SEPTIN7: variants seen among roughly 807,000 people sequenced by gnomAD.
The protein encoded by SEPTIN7 is septin 7.
SEPTIN7 carries 10 observed loss-of-function variants against 63.3 expected under a neutral mutation model. That is an observed-to-expected ratio of 0.16 (90% CI 0.10 to 0.27). The LOEUF (loss-of-function observed/expected upper bound fraction) is 0.27, where lower values mean the gene tolerates loss of function less well. SEPTIN7 is among the 10% of genes least tolerant of loss of function. The pLI is 1.00. For missense variants in SEPTIN7, 310 were observed against 521.0 expected (o/e 0.59, Z 3.94); for synonymous variants, 131 against 165.3 (o/e 0.79, Z 1.59).
intron 7 of SEPTIN7, among the ~76,000 whole-genome samples, chr7:35,881,761 T>G (rs1034824533): frequency 2.4e-4 from 37 of 151,900 alleles, no homozygotes; most frequent in African/African-American, 8.2e-4. Flanking sequence ...TAGTTGAAAA[T>G]TATTTGGATG....
At chr7:35,830,613 G>A (rs1410868162) in intron 1 of SEPTIN7, among the ~76,000 whole-genome samples, 1 of 152,136 alleles carries the variant, frequency 6.6e-6, no homozygotes, top group Non-Finnish European at 1.5e-5. Context: ...GGATGATTTT[G>A]TCATGGAATA....
intron 3 of SEPTIN7, among the ~76,000 whole-genome samples, chr7:35,860,941 C>T (rs1785470575): frequency 6.6e-6 from 1 of 152,140 alleles, no homozygotes; most frequent in South Asian, 2.1e-4. Context: ...TCCTCTGAAA[C>T]ATCCATTGAG....
intron 6 of SEPTIN7, 62 bp downstream of exon 6, chr7:35,873,837 G>A (rs961667395): frequency 1.0e-4 from 150 of 1,458,976 alleles, no homozygotes; most frequent in Non-Finnish European, 1.4e-4. Flanking sequence ...ACCTTTATGT[G>A]CATACTTTAG....
intron 3 of SEPTIN7, among the ~76,000 whole-genome samples, chr7:35,860,242 C>T (rs1441918312): frequency 6.6e-6 from 1 of 151,936 alleles, no homozygotes; most frequent in Admixed American, 6.6e-5. Flanking sequence ...AACAACTACA[C>T]GTCCACTGCT....
At chr7:35,880,162 C>T (rs1435012996) in intron 7 of SEPTIN7, among the ~76,000 whole-genome samples, 3 of 150,640 alleles carry the variant, frequency 2.0e-5, no homozygotes, top group Non-Finnish European at 4.4e-5. Flanking sequence ...CAATTTCTCC[C>T]CATACTCTTT....
chr7:35,871,852 G>C (rs1325056610), intron 4 of SEPTIN7, among the ~76,000 whole-genome samples: 2 of 151,970 alleles, frequency 1.3e-5, no homozygotes, highest in African/African-American at 4.8e-5. Context: ...CTTTATCTTG[G>C]GTTCCTGAAA....
intron 6 of SEPTIN7, among the ~76,000 whole-genome samples, chr7:35,879,022 G>A (rs1323284841): frequency 6.6e-6 from 1 of 152,176 alleles, no homozygotes; most frequent in Non-Finnish European, 1.5e-5. Context: ...CTTCTTAAGG[G>A]ACTAGCTTAC....
chr7:35,841,930 G>A (rs536424503), intron 3 of SEPTIN7, among the ~76,000 whole-genome samples: 12 of 152,210 alleles, frequency 7.9e-5, no homozygotes, highest in African/African-American at 2.6e-4. Flanking sequence ...TGGGTCCATC[G>A]TTTTCTTAGG....
intron 1 of SEPTIN7, among the ~76,000 whole-genome samples, chr7:35,804,253 G>C (rs1788185771): frequency 1.3e-5 from 2 of 152,180 alleles, no homozygotes; most frequent in South Asian, 4.1e-4. Flanking sequence ...AACCAGGGTG[G>C]CTTCCAAAAG....
At position 35,827,987 on chromosome 7, in the gene SEPTIN7, A is replaced by G. The variant is rs140818408; in HGVS notation, c.62-3505A>G. The stretch of plus-strand genomic sequence containing the variant: ...AGTCATTCAGATTTTTAAAATATCT[A>G]CTGTGTGTCAGCACTTTGCTAAGAA... On this transcript the variant is annotated intron_variant, in intron 1 of 13. Transcript: ENST00000350320. Among the ~76,000 whole-genome samples, 1,009 of 152,310 alleles carry G rather than the reference A, an allele frequency of 6.6e-3. 14 individuals carry two copies. Among genetic ancestry groups the G allele is most frequent in the African/African-American group, 0.023 (967 of 41,556 alleles).
intron 11 of SEPTIN7, among the ~76,000 whole-genome samples, chr7:35,892,697 TTAAG>T (rs1418339035): frequency 1.3e-5 from 2 of 152,140 alleles, no homozygotes; most frequent in African/African-American, 4.8e-5. Context: ...TACAGTATCA[TTAAG>T]TTTCTTTCTG....
intron 13 of SEPTIN7, 109 bp downstream of exon 13, chr7:35,903,324 A>G (rs971119437): frequency 2.8e-6 from 4 of 1,406,448 alleles, no homozygotes; most frequent in African/African-American, 1.5e-5. Flanking sequence ...ATCACCCATT[A>G]TCATGCATTC....
intron 10 of SEPTIN7, chr7:35,888,969 A>G (rs1392170496): frequency 3.9e-6 from 1 of 253,974 alleles, no homozygotes; most frequent in Non-Finnish European, 8.3e-6. Context: ...TGAGTTATGA[A>G]TTCTGTTAAA....
At chr7:35,836,448 T>C (rs1334487849) in intron 3 of SEPTIN7, among the ~76,000 whole-genome samples, 2 of 152,216 alleles carry the variant, frequency 1.3e-5, no homozygotes, top group African/African-American at 4.8e-5. Flanking sequence ...TCTTGAACTT[T>C]GCAAAATTTT....
the SEPTIN7 span, among the ~76,000 whole-genome samples, chr7:35,912,622 C>T: frequency 6.6e-6 from 1 of 152,198 alleles, no homozygotes; most frequent in Non-Finnish European, 1.5e-5. Flanking sequence ...CTGAGCTGGT[C>T]TCGGCACTTC....
intron 1 of SEPTIN7, among the ~76,000 whole-genome samples, chr7:35,829,696 A>G (rs1044326293): frequency 1.7e-4 from 26 of 152,144 alleles, no homozygotes; most frequent in Non-Finnish European, 2.5e-4. Context: ...AATTCATTCA[A>G]TCTCTGCGTT....
downstream of SEPTIN7, among the ~76,000 whole-genome samples, chr7:35,909,352 C>G (rs1278866781): frequency 6.6e-6 from 1 of 152,056 alleles, no homozygotes; most frequent in African/African-American, 2.4e-5. Flanking sequence ...CTATTTAGAC[C>G]CCATCCCTAA....
At chr7:35,886,511 A>G (rs1156370249) in intron 10 of SEPTIN7, among the ~76,000 whole-genome samples, 1 of 152,196 alleles carries the variant, frequency 6.6e-6, no homozygotes, top group Non-Finnish European at 1.5e-5. Context: ...TAATAGGACT[A>G]GAGATGTTAG....
rs1786710964 is a variant in SEPTIN7, at chr7:35,879,689, G to A, written c.513-134G>A. 4.8e-6 allele frequency: 3 copies of A among 627,216 alleles called. No homozygotes were observed. In the African/African-American group the frequency reaches 5.5e-5, roughly 11 times the overall value. The allele number at this position is 627,216 out of a possible 1,614,324, so 38.9% of individuals were successfully genotyped here. A position where few individuals can be genotyped will look rare whatever the true frequency, so the allele number is the denominator to read the frequency against. ...GTCCTGTTCTACCTAACTTTTGCTG[G>A]CCTAATACATCTTCAGAGTGTTTCT... is the stretch of plus-strand genomic sequence containing the variant. On this transcript the variant is annotated intron_variant, in intron 6 of 13. Transcript: ENST00000350320.
Sources: allele counts gnomAD v4.1 joint callset (sites outside exome capture counted in the v4.1 genomes callset), GRCh38; gene constraint gnomAD v4.1.1; transcripts MANE v1.5; gene names NCBI Gene and HGNC (gene_info 2026-07-23, HGNC 2026-07-21).